Variants in PRIMPOL observed in about 807,000 individuals in gnomAD.
PRIMPOL encodes the protein DNA-directed primase/polymerase protein.
In PRIMPOL, 54 loss-of-function variants were observed where a neutral mutation model predicts 63.6. That is an observed-to-expected ratio of 0.85 (90% CI 0.68 to 1.07). The LOEUF (loss-of-function observed/expected upper bound fraction) is 1.07. Ranked by LOEUF, PRIMPOL falls within the 50% of genes least tolerant of loss-of-function variation. The pLI is 0.00. For missense variants in PRIMPOL, 610 were observed against 648.3 expected, an observed-to-expected ratio of 0.94 and a Z score of 0.64; for synonymous variants, 197 against 220.2, an observed-to-expected ratio of 0.89 and a Z score of 0.93.
intron 13 of PRIMPOL, 21 bp from the exon 14 acceptor site, chr4:184,694,501 C>T (rs1230999252): frequency 1.9e-6 from 3 of 1,605,792 alleles, no homozygotes; most frequent in Admixed American, 1.7e-5. Context: ...CACTCTCTAT[C>T]CCTTCACCAC....
intron 11 of PRIMPOL, among the ~76,000 whole-genome samples, chr4:184,689,745 T>A (rs2696039): frequency 6.6e-6 from 1 of 151,612 alleles, no homozygotes; most frequent in African/African-American, 2.4e-5. Flanking sequence ...CGAGCCACCA[T>A]GCCCGGCCTG....
intron 4 of PRIMPOL, among the ~76,000 whole-genome samples, chr4:184,661,143 A>G (rs1214127993): frequency 6.6e-6 from 1 of 152,208 alleles, no homozygotes; most frequent in African/African-American, 2.4e-5. Context: ...AATTTGTTTC[A>G]TGGTGACACT....
rs142434039 is a variant in PRIMPOL at position 184,688,110 on chromosome 4, G to A, written c.1295+2426G>A. 3.9e-5 allele frequency among the ~76,000 whole-genome samples: 6 copies of A among 152,264 alleles called. No homozygotes were observed. In the East Asian group the frequency reaches 1.2e-3, roughly 29 times the overall value. The stretch of plus-strand genomic sequence containing the variant: ...CTGTTTTCCCACAGTGGACATTTGG[G>A]TTGCTATTATAAACCGTGAAGGTGG... On this transcript the variant is annotated intron_variant, in intron 11 of 13. Coordinates refer to ENST00000314970, the MANE Select transcript of PRIMPOL (RefSeq NM_152683.4).
At chr4:184,661,599 G>T (rs1382746350) in intron 4 of PRIMPOL, among the ~76,000 whole-genome samples, 175 bp from the exon 5 acceptor site, 1 of 152,022 alleles carries the variant, frequency 6.6e-6, no homozygotes, top group African/African-American at 2.4e-5. Context: ...CCAGCTACTC[G>T]GGAGGCTGAG....
intron 11 of PRIMPOL, among the ~76,000 whole-genome samples, chr4:184,688,371 T>C (rs1757553085): frequency 6.6e-6 from 1 of 152,266 alleles, no homozygotes; most frequent in Admixed American, 6.5e-5. Context: ...ATCTGGCAGA[T>C]GTAAAACAAT....
chr4:184,658,083 T>TG (rs1747082896), intron 3 of PRIMPOL, among the ~76,000 whole-genome samples: 1 of 125,106 alleles, frequency 8.0e-6, no homozygotes, highest in Non-Finnish European at 1.9e-5. Flanking sequence ...TTTTTTTTTT[T>TG]TGGGGCACTG....
At chr4:184,673,036 T>TA (rs1200731202) in intron 7 of PRIMPOL, among the ~76,000 whole-genome samples, 2 of 152,114 alleles carry the variant, frequency 1.3e-5, no homozygotes, top group African/African-American at 4.8e-5. Context: ...ATCGAGACCC[T>TA]AACACAACAG....
intron 5 of PRIMPOL, 64 bp downstream of exon 5, chr4:184,661,967 G>T: frequency 1.4e-6 from 2 of 1,469,620 alleles, no homozygotes; most frequent in Non-Finnish European, 9.3e-7. Context: ...TTCATTCAGT[G>T]AATTCAGCCT....
rs1746686542 is a variant in PRIMPOL at position 184,657,153 on chromosome 4, T to C, written c.13T>C (p.Trp5Arg). The C allele has an allele frequency of 3.7e-6, 6 of 1,608,144 alleles. No homozygotes were observed. Among genetic ancestry groups the C allele is most frequent in the African/African-American group, 1.3e-5 (1 of 74,768 alleles). Residue 5 changes from tryptophan (W) to arginine (R), a missense_variant, in exon 3 of 14, where the codon TGG becomes CGG. Trp to Arg is a moderately radical substitution (Grantham distance 101, BLOSUM62 -3). Around this residue, in one of 3 missense-constraint regions of PRIMPOL, gnomAD observed 159 missense variants for 168.9 expected, o/e 0.94. Transcript: ENST00000314970. MNRK[W>R]EAKLKQIEER... ...CACTTCTGAACCAATGAATAGAAAA[T>C]GGGAAGCAAAACTGAAGCAAATTGA...
chr4:184,670,869 C>T (rs923747780), intron 6 of PRIMPOL, among the ~76,000 whole-genome samples: 1 of 152,088 alleles, frequency 6.6e-6, no homozygotes, highest in Non-Finnish European at 1.5e-5. Context: ...GTAATTAAAT[C>T]TAATGTGAAG....
At chr4:184,664,520 A>T (rs746951796) in intron 5 of PRIMPOL, among the ~76,000 whole-genome samples, 1 of 152,202 alleles carries the variant, frequency 6.6e-6, no homozygotes, top group Non-Finnish European at 1.5e-5. Context: ...TGTCCCTAAG[A>T]TGTTGCCTTC....
chr4:184,658,035 T>TAAATAAAA (rs1553988171), intron 3 of PRIMPOL, among the ~76,000 whole-genome samples: 7,581 of 147,090 alleles, frequency 0.052, 252 homozygotes, highest in Middle Eastern at 0.084. Context: ...AATAAATAAA[T>TAAATAAAA]ATCACTAAAT....
rs989169491 is a variant in PRIMPOL, at chr4:184,678,408, G to T, written c.1007+14G>T. ...CAGCAATGTCAGGTATGTAGTAGCA[G>T]CATCAAACCATTTTGTATTCATGAA... On this transcript the variant is annotated intron_variant, in intron 8 of 13. Coordinates refer to ENST00000314970, the MANE Select transcript of PRIMPOL (RefSeq NM_152683.4). 2.5e-6 allele frequency: 4 copies of T among 1,571,408 alleles called. No individual in the cohort carries two copies. Among genetic ancestry groups the T allele is most frequent in the Non-Finnish European group, 3.5e-6 (4 of 1,158,394 alleles).
At chr4:184,673,403 A>C (rs1752419401) in intron 7 of PRIMPOL, among the ~76,000 whole-genome samples, 1 of 149,394 alleles carries the variant, frequency 6.7e-6, no homozygotes, top group Non-Finnish European at 1.5e-5. Context: ...TACTGGGATT[A>C]CAGGCATGAG....
At chr4:184,693,499 TTTCAG>T (rs1348435436) in intron 13 of PRIMPOL, among the ~76,000 whole-genome samples, 2 of 152,348 alleles carry the variant, frequency 1.3e-5, no homozygotes, top group South Asian at 2.1e-4. Flanking sequence ...GTCACTTAGT[TTTCAG>T]TTAACATTTT....
chr4:184,662,241 T>C (rs1748554898), intron 5 of PRIMPOL, among the ~76,000 whole-genome samples: 1 of 152,118 alleles, frequency 6.6e-6, no homozygotes, highest in South Asian at 2.1e-4. Flanking sequence ...GGCAAAATAA[T>C]TTTTACTGTA....
intron 13 of PRIMPOL, among the ~76,000 whole-genome samples, chr4:184,692,264 A>G (rs1247953856): frequency 6.6e-6 from 1 of 152,006 alleles, no homozygotes; most frequent in African/African-American, 2.4e-5. Flanking sequence ...ACTTGAGGTC[A>G]TGAGTTTGAG....
intron 2 of PRIMPOL, among the ~76,000 whole-genome samples, chr4:184,655,102 T>G (rs28421941): frequency 0.13 from 19,241 of 151,972 alleles, 1,300 homozygotes; most frequent in Middle Eastern, 0.16. Flanking sequence ...CTCTGCCTCC[T>G]GGGTTCAAGC....
At chr4:184,662,017 C>T (rs1395721682) in intron 5 of PRIMPOL, 114 bp downstream of exon 5, 22 of 895,112 alleles carry the variant, frequency 2.5e-5, no homozygotes, top group Non-Finnish European at 3.5e-5. Context: ...TTTCTTGCTA[C>T]TCTTCCTTTT....
Sources: allele counts gnomAD v4.1 joint callset (sites outside exome capture counted in the v4.1 genomes callset), GRCh38; gene constraint gnomAD v4.1.1; regional missense constraint gnomAD v4.1.1; transcripts MANE v1.5; gene names NCBI Gene and HGNC (gene_info 2026-07-23, HGNC 2026-07-21).